RUNX1T1: variants seen among roughly 807,000 people sequenced by gnomAD.
RUNX1T1 encodes RUNX1 partner transcriptional co-repressor 1, also known as protein CBFA2T1.
A neutral mutation model predicts 62.8 loss-of-function variants in RUNX1T1; 4 were observed. That is an observed-to-expected ratio of 0.06 (90% confidence interval 0.03 to 0.15). The LOEUF (loss-of-function observed/expected upper bound fraction) is 0.15. RUNX1T1 is among the 10% of genes least tolerant of loss of function. The pLI is 1.00. For missense variants in RUNX1T1, 508 were observed against 754.3 expected (o/e 0.67, Z 3.82); for synonymous variants, 291 against 286.0 (o/e 1.02, Z -0.18).
At chr8:92,070,433 A>G (rs923811603) in intron 2 of RUNX1T1, among the ~76,000 whole-genome samples, 7 of 152,228 alleles carry the variant, frequency 4.6e-5, no homozygotes, top group Admixed American at 1.3e-4. Flanking sequence ...ATACATAAAT[A>G]AACACGCACA....
chr8:91,996,861 C>A (rs2130934674), intron 5 of RUNX1T1, among the ~76,000 whole-genome samples: 1 of 151,916 alleles, frequency 6.6e-6, no homozygotes. Context: ...GTGGCTCATG[C>A]CTGTAATCTC....
chr8:91,993,578 T>TA lies in RUNX1T1; in HGVS notation c.660-1690dup, dbSNP rs569769538. Among the ~76,000 whole-genome samples the TA allele has an allele frequency of 2.6e-4, 40 of 152,288 alleles. No homozygotes were observed. The South Asian group carries it at 5.2e-3, about 20-fold the overall frequency. On this transcript the variant is annotated intron_variant, in intron 5 of 10. Coordinates refer to ENST00000396218, the Ensembl canonical transcript of RUNX1T1. ...TGGGACTGATAGGAAACAACATTTGTAAAAACAAATTAAGAGGCAATCTAA... is the reference window on the plus strand; with the variant it reads ...TGGGACTGATAGGAAACAACATTTGTAAAAAACAAATTAAGAGGCAATCTAA...
intron 4 of RUNX1T1, chr8:92,005,937 ACAAAAGTAAACTGCCT>A (rs1296801767): frequency 2.0e-5 from 3 of 151,962 alleles, no homozygotes; most frequent in Non-Finnish European, 4.4e-5. Context: ...CTAGTAGTCT[ACAAAAGTAAACTGCCT>A]TCTTTGTATC....
At chr8:92,074,017 C>T (rs1834055286) in intron 2 of RUNX1T1, among the ~76,000 whole-genome samples, 1 of 151,964 alleles carries the variant, frequency 6.6e-6, no homozygotes, top group Admixed American at 6.6e-5. Flanking sequence ...ATTTTTAATG[C>T]CACATGGAAA....
chr8:91,982,893 G>C (rs192474397), intron 8 of RUNX1T1, among the ~76,000 whole-genome samples: 1 of 142,884 alleles, frequency 7.0e-6, no homozygotes, highest in East Asian at 2.2e-4. Context: ...ATTCAAAAAA[G>C]AGATTTTAAT....
chr8:91,984,677 G>A (rs1052675408), intron 8 of RUNX1T1, among the ~76,000 whole-genome samples: 1 of 151,972 alleles, frequency 6.6e-6, no homozygotes, highest in African/African-American at 2.4e-5. Context: ...TAGACTGGAC[G>A]GTTATAAATA....
At chr8:92,092,378 A>C (rs1837165190) in intron 1 of RUNX1T1, among the ~76,000 whole-genome samples, 1 of 152,182 alleles carries the variant, frequency 6.6e-6, no homozygotes, top group Non-Finnish European at 1.5e-5. Context: ...AACTTATTTG[A>C]TTAGCAGTAC....
At chr8:92,041,614 C>A (rs545884946) in intron 1 of RUNX1T1, among the ~76,000 whole-genome samples, 4 of 151,936 alleles carry the variant, frequency 2.6e-5, no homozygotes, top group Admixed American at 2.6e-4. Flanking sequence ...TGGTGGCATG[C>A]GCCTGTAACC....
chr8:91,959,128 T>C (rs1209352158), exon 11 of RUNX1T1: 1 of 217,752 alleles, frequency 4.6e-6, no homozygotes, highest in Non-Finnish European at 9.3e-6. Context: ...AAAACACCAT[T>C]GGGAAACCTC....
At chr8:91,980,683 A>G (rs1815028111) in intron 8 of RUNX1T1, among the ~76,000 whole-genome samples, 1 of 152,088 alleles carries the variant, frequency 6.6e-6, no homozygotes, top group Non-Finnish European at 1.5e-5. Context: ...TTTTAATTTT[A>G]TATTTTGAGA....
intron 1 of RUNX1T1, among the ~76,000 whole-genome samples, chr8:92,043,793 A>G (rs926794877): frequency 2.0e-5 from 3 of 152,000 alleles, no homozygotes; most frequent in Non-Finnish European, 4.4e-5. Flanking sequence ...CCTGGCTAAC[A>G]TGGTGAAACC....
At chr8:91,991,800 C>G in exon 6 of RUNX1T1, 2 of 1,614,128 alleles carry the variant, frequency 1.2e-6, no homozygotes, top group Non-Finnish European at 1.7e-6. Flanking sequence ...GTTATTTGGA[C>G]TGTACCGCTG....
At chr8:91,977,368 C>T (rs1196873931) in intron 8 of RUNX1T1, 1 of 193,722 alleles carries the variant, frequency 5.2e-6, no homozygotes, top group Non-Finnish European at 1.1e-5. Flanking sequence ...AATATCTATG[C>T]ATTCTCCTGT....
chr8:92,090,862 T>C (rs891196416), intron 1 of RUNX1T1, among the ~76,000 whole-genome samples: 2 of 152,158 alleles, frequency 1.3e-5, no homozygotes, highest in African/African-American at 2.4e-5. Context: ...CTGGAGTTCT[T>C]TGAAATGAAG....
At chr8:91,986,734 A>G (rs1395960785) in intron 7 of RUNX1T1, among the ~76,000 whole-genome samples, 153 bp downstream of exon 8, 1 of 152,124 alleles carries the variant, frequency 6.6e-6, no homozygotes, top group Non-Finnish European at 1.5e-5. Context: ...CAAATCCTAT[A>G]TTCTACTTCA....
At chr8:92,089,620 G>T (rs1836666413) in intron 1 of RUNX1T1, among the ~76,000 whole-genome samples, 1 of 152,018 alleles carries the variant, frequency 6.6e-6, no homozygotes, top group Non-Finnish European at 1.5e-5. Flanking sequence ...TCATCATCTT[G>T]TCCAGTAACT....
intron 1 of RUNX1T1, among the ~76,000 whole-genome samples, chr8:92,024,497 C>CAAAAAAAAAAAAA (rs34547904): frequency 2.8e-4 from 5 of 17,548 alleles, no homozygotes; most frequent in Non-Finnish European, 5.7e-4. Context: ...AACCCCAACT[C>CAAAAAAAAAAAAA]AAAAAAAAAA....
At chr8:92,064,931 C>T (rs1158485298), upstream of RUNX1T1, among the ~76,000 whole-genome samples, 1 of 152,058 alleles carries the variant, frequency 6.6e-6, no homozygotes, top group Admixed American at 6.6e-5. Flanking sequence ...TAAATTGATC[C>T]ACATCAACAA....
rs67366711 is a variant in RUNX1T1 at position 91,981,404 on chromosome 8, C to CTTTTTTTTTTTT, written c.1198+4708_1198+4719dup. Reference sequence around the variant, plus strand: ...TTCAACAAACTCCTAAGTTACTAAGCTTTTTTTTTTTTTTTTTTTTTTTTT... The same window carrying CTTTTTTTTTTTT: ...TTCAACAAACTCCTAAGTTACTAAGCTTTTTTTTTTTTTTTTTTTTTTTTTTTTTTTTTTTTT... On this transcript the variant is annotated intron_variant, in intron 8 of 10. Coordinates refer to ENST00000396218, the Ensembl canonical transcript of RUNX1T1. Among the ~76,000 whole-genome samples the CTTTTTTTTTTTT allele has an allele frequency of 3.1e-5, 2 of 63,882 alleles. 1 individual carries two copies. The highest frequency in any genetic ancestry group is 1.2e-4 in the African/African-American group (2 of 16,010). 41.9% of individuals were successfully genotyped at this position (63,882 alleles called of 152,430 possible).
Sources: allele counts gnomAD v4.1 joint callset (sites outside exome capture counted in the v4.1 genomes callset), GRCh38; gene constraint gnomAD v4.1.1; transcripts MANE v1.5; gene names NCBI Gene and HGNC (gene_info 2026-07-23, HGNC 2026-07-21).